The following FBXO30 variants were observed in gnomAD, a reference collection of about 807,000 sequenced individuals.
The protein encoded by FBXO30 is F-box protein 30.
Under a neutral mutation model 58.1 loss-of-function variants are expected in FBXO30, and 21 were observed. The observed-to-expected ratio is 0.36, with a 90% CI of 0.26 to 0.52. FBXO30 has a LOEUF of 0.52. Ranked by LOEUF, FBXO30 falls within the 20% of genes least tolerant of loss-of-function variation. FBXO30 has a pLI of 0.93. For synonymous variants in FBXO30, 309 were observed against 312.4 expected (o/e 0.99, Z 0.11); for missense variants, 744 against 897.3 (o/e 0.83, Z 2.18).
In FBXO30 at chr6:145,800,235, G is replaced by A; in HGVS notation, c.2109C>T (p.His703=). Residue 703 remains histidine (H), a synonymous_variant, in exon 3 of 3, where the codon CAC becomes CAT. Transcript: ENST00000237281. ...KFADILSMAD[H]LKKCSYNVVE... ...CAACATTGTAACTGCATTTCTTCAA[G>A]TGGTCTGCCATGCTTAGGATGTCAG... 6.2e-7 allele frequency: 1 copy of A among 1,612,994 alleles called. No homozygotes were observed. Among genetic ancestry groups the A allele is most frequent in the Non-Finnish European group, 8.5e-7 (1 of 1,179,326 alleles).
At position 145,805,636 on chromosome 6, in the gene FBXO30, T is replaced by A; in HGVS notation, c.770A>T (p.Gln257Leu). Residue 257 changes from glutamine to leucine, a missense_variant, in exon 2 of 3, where the codon CAG (glutamine) becomes CTG (leucine). Physicochemically the swap from Gln to Leu is moderately radical, Grantham distance 113 (BLOSUM62 -2). Around this residue, in one of 3 missense-constraint regions of FBXO30, gnomAD observed 275 missense variants for 262.0 expected, o/e 1.05. Transcript: ENST00000237281. The part of the protein sequence containing the change: ...VGGIDYNDTN[Q>L]NAQSEQNGSS... Reference sequence around the variant, plus strand: ...ACCATTTTGTTCAGACTGGGCATTCTGATTTGTGTCATTGTAGTCAATTCC... The same window carrying A: ...ACCATTTTGTTCAGACTGGGCATTCAGATTTGTGTCATTGTAGTCAATTCC... The A allele has an allele frequency of 6.2e-7, 1 of 1,614,132 alleles. No individual in the cohort carries two copies. The highest frequency in any genetic ancestry group is 1.1e-5 in the South Asian group (1 of 91,080).
intron 1 of FBXO30, chr6:145,811,946 G>C (rs967770295): frequency 2.3e-4 from 35 of 152,206 alleles, no homozygotes; most frequent in East Asian, 1.4e-3. Flanking sequence ...CTGTTTATCA[G>C]GTGCACTCAG....
intron 1 of FBXO30, among the ~76,000 whole-genome samples, chr6:145,811,486 T>A (rs1432901836): frequency 6.6e-6 from 1 of 152,168 alleles, no homozygotes; most frequent in Non-Finnish European, 1.5e-5. Context: ...AATAGTAATA[T>A]GAGAAACATA....
chr6:145,800,325 A>C lies in FBXO30; in HGVS notation c.2035-16T>G. On this transcript the variant is annotated splice_polypyrimidine_tract_variant and intron_variant, in intron 2 of 2. Coordinates refer to ENST00000237281, the MANE Select transcript of FBXO30 (RefSeq NM_032145.5). Reference sequence around the variant, plus strand: ...ATCGCCATACCTACAAGAAAATTCTACTTTAGATTTAAACAAGTCAATGTG... The same window carrying C: ...ATCGCCATACCTACAAGAAAATTCTCCTTTAGATTTAAACAAGTCAATGTG... 6.2e-7 allele frequency: 1 copy of C among 1,606,576 alleles called. No individual in the cohort carries two copies. Among genetic ancestry groups the C allele is most frequent in the Non-Finnish European group, 8.5e-7 (1 of 1,174,610 alleles).
At position 145,812,032 on chromosome 6, in the gene FBXO30, G is replaced by A. The variant is rs188538736; in HGVS notation, c.-17+2571C>T. ...GTTTAAAAAGAGGTGGGGTTGGGGG[G>A]CGGTGGTTAGACAAAATCAAAAAGG... On this transcript the variant is annotated intron_variant, in intron 1 of 2. Transcript: ENST00000237281. 2.0e-5 allele frequency: 3 copies of A among 152,114 alleles called. No homozygotes were observed. In the East Asian group the frequency reaches 5.8e-4, roughly 29 times the overall value. The allele number at this position is 152,114 out of a possible 1,614,324, so 9.4% of individuals were successfully genotyped here. A position where few individuals can be genotyped will look rare whatever the true frequency, so the allele number is the denominator to read the frequency against.
intron 1 of FBXO30, among the ~76,000 whole-genome samples, chr6:145,812,737 C>G (rs74529360): frequency 6.6e-6 from 1 of 152,112 alleles, no homozygotes; most frequent in South Asian, 2.1e-4. Flanking sequence ...ATTACTCATT[C>G]TTTAAAAAAA....
At chr6:145,812,236 T>A (rs1778354494) in intron 1 of FBXO30, among the ~76,000 whole-genome samples, 3 of 152,198 alleles carry the variant, frequency 2.0e-5, no homozygotes, top group Admixed American at 2.0e-4. Context: ...AAAACATATA[T>A]CTTTCATTTC....
At position 145,805,129 on chromosome 6, in the gene FBXO30, A is replaced by T; in HGVS notation, c.1277T>A (p.Ile426Asn). Residue 426 changes from isoleucine to asparagine, a missense_variant, in exon 2 of 3, where the codon ATC becomes AAC. Physicochemically the swap from Ile to Asn is moderately radical, Grantham distance 149. Transcript: ENST00000237281. ...DPMGLQGIDL[I>N]TAALLFCLGD... The stretch of plus-strand genomic sequence containing the variant: ...TAGACAAAAAAGCAATGCTGCTGTG[A>T]TCAGATCTATTCCTTGGAGGCCCAT... The T allele has an allele frequency of 6.2e-7, 1 of 1,613,990 alleles. No individual in the cohort carries two copies. Among genetic ancestry groups the T allele is most frequent in the East Asian group, 2.2e-5 (1 of 44,894 alleles).
intron 1 of FBXO30, among the ~76,000 whole-genome samples, chr6:145,813,427 T>C (rs1014432869): frequency 1.3e-5 from 2 of 152,032 alleles, no homozygotes; most frequent in Non-Finnish European, 2.9e-5. Context: ...TAAACTTTTG[T>C]GATGAGAAAC....
rs35721211 is a variant in FBXO30, at chr6:145,804,445, C to T, written c.1961G>A (p.Arg654His). 278 of 1,613,666 alleles carry T rather than the reference C, an allele frequency of 1.7e-4. No individual in the cohort carries two copies. In the African/African-American group the frequency reaches 3.1e-3, roughly 18 times the overall value. The change falls in exon 2 of 3, where the codon CGT (arginine) becomes CAT (histidine). Residue 654 changes from arginine to histidine, a missense_variant. Arg to His is a conservative substitution (Grantham distance 29). This residue lies in a region of FBXO30 where 334 missense variants were observed against 433.7 expected (regional missense o/e 0.77). Transcript: ENST00000237281. Reference sequence around the variant, plus strand: ...CCCCCACTGCAGTATGACCATGCCACGAGACTGAAGCAGGCTGCCACACAC... The same window carrying T: ...CCCCCACTGCAGTATGACCATGCCATGAGACTGAAGCAGGCTGCCACACAC... ...RDVCGSLLQS[R>H]GMVILQWGKR... is the part of the protein sequence containing the mutation.
chr6:145,803,008 AG>A (rs1562243467), intron 2 of FBXO30, among the ~76,000 whole-genome samples: 1 of 152,144 alleles, frequency 6.6e-6, no homozygotes, highest in Non-Finnish European at 1.5e-5. Flanking sequence ...AGAAAGCTAT[AG>A]GATAATCAAG....
At position 145,794,162 on chromosome 6, in the gene FBXO30, A is replaced by G. The variant is rs762725401; in HGVS notation, c.*5944T>C. 15 of 151,996 alleles carry G rather than the reference A, an allele frequency of 9.9e-5. No individual in the cohort carries two copies. Among genetic ancestry groups the G allele is most frequent in the Admixed American group, 3.9e-4 (6 of 15,256 alleles). The allele number at this position is 151,996 out of a possible 1,614,324, so 9.4% of individuals were successfully genotyped here. ...GCAACCATGAATCTGATTTATCTCT[A>G]TGAATTTACCTATTCTGCATATTTC... is the stretch of plus-strand genomic sequence containing the variant. On this transcript the variant is annotated 3_prime_UTR_variant, in exon 3 of 3. Transcript: ENST00000237281.
At position 145,804,942 on chromosome 6, in the gene FBXO30, T is replaced by C; in HGVS notation, c.1464A>G (p.Pro488=). 6.2e-7 allele frequency: 1 copy of C among 1,613,910 alleles called. No homozygotes were observed. Among genetic ancestry groups the C allele is most frequent in the Non-Finnish European group, 8.5e-7 (1 of 1,179,912 alleles). ...GAAACGGACTTGGATTTGAAAGCTGTGGATTGGCATGATCACAAGCTGAAG... is the reference window on the plus strand; with the variant it reads ...GAAACGGACTTGGATTTGAAAGCTGCGGATTGGCATGATCACAAGCTGAAG... ...ASASACDHAN[P]QLSNPSPFQT... is the part of the protein sequence containing the mutation. The change falls in exon 2 of 3, where the codon CCA becomes CCG. Residue 488 remains proline (P), a synonymous_variant. Transcript: ENST00000237281.
At chr6:145,803,091 TG>T (rs2128665460) in intron 2 of FBXO30, among the ~76,000 whole-genome samples, 1 of 152,094 alleles carries the variant, frequency 6.6e-6, no homozygotes, top group South Asian at 2.1e-4. Flanking sequence ...GATACAGATG[TG>T]TGAGTAATCT....
At chr6:145,812,731 C>T (rs941255200) in intron 1 of FBXO30, among the ~76,000 whole-genome samples, 4 of 152,132 alleles carry the variant, frequency 2.6e-5, no homozygotes, top group Non-Finnish European at 5.9e-5. Context: ...AATAACATTA[C>T]TCATTCTTTA....
In FBXO30 at chr6:145,800,080, T is replaced by C. The variant is rs374203224; in HGVS notation, c.*26A>G. 6.5e-7 allele frequency: 1 copy of C among 1,547,688 alleles called. No homozygotes were observed. The highest frequency in any genetic ancestry group is 8.9e-7 in the Non-Finnish European group (1 of 1,121,476). On this transcript the variant is annotated 3_prime_UTR_variant, in exon 3 of 3. Coordinates refer to ENST00000237281, the MANE Select transcript of FBXO30 (RefSeq NM_032145.5). ...AAAGAAATTATACTAGGTGCTTGCA[T>C]ATATGTGCTAGTAATATTACAACTT...
At position 145,795,412 on chromosome 6, in the gene FBXO30, G is replaced by A. The variant is rs558023375; in HGVS notation, c.*4694C>T. ...CTACATATTGAAGAACCATTCCCTA[G>A]TATTTGCATGCAAATGGGTTAATAA... is the stretch of plus-strand genomic sequence containing the variant. On this transcript the variant is annotated 3_prime_UTR_variant, in exon 3 of 3. Coordinates refer to ENST00000237281, the MANE Select transcript of FBXO30 (RefSeq NM_032145.5). 6.6e-6 allele frequency: 1 copy of A among 151,896 alleles called. No individual in the cohort carries two copies. The highest frequency in any genetic ancestry group is 2.4e-5 in the African/African-American group (1 of 41,500). 9.4% of individuals were successfully genotyped at this position (151,896 alleles called of 1,614,324 possible).
Position 145,800,018 on chromosome 6 carries a change from G to T in FBXO30, c.*88C>A. Reference sequence around the variant, plus strand: ...ACAGTGACAATAAATTTAGCTAGTTGTAATATTTAATACATTAATAAAGTT... The same window carrying T: ...ACAGTGACAATAAATTTAGCTAGTTTTAATATTTAATACATTAATAAAGTT... On this transcript the variant is annotated 3_prime_UTR_variant, in exon 3 of 3. Transcript: ENST00000237281. The T allele has an allele frequency of 5.3e-6, 5 of 937,220 alleles. No homozygotes were observed. The highest frequency in any genetic ancestry group is 2.2e-5 in the Admixed American group (1 of 45,402). The allele number at this position is 937,220 out of a possible 1,614,324, so 58.1% of individuals were successfully genotyped here. A position where few individuals can be genotyped will look rare whatever the true frequency, so the allele number is the denominator to read the frequency against.
rs1777875122 is a variant in FBXO30, at chr6:145,796,809, T to G, written c.*3297A>C. On this transcript the variant is annotated 3_prime_UTR_variant, in exon 3 of 3. Coordinates refer to ENST00000237281, the MANE Select transcript of FBXO30 (RefSeq NM_032145.5). Reference sequence around the variant, plus strand: ...CGATATAGTAATATAAACTACCATATCTTCAAGGGATATGGAAGTTTTGCT... The same window carrying G: ...CGATATAGTAATATAAACTACCATAGCTTCAAGGGATATGGAAGTTTTGCT... 1 of 151,876 alleles carries G rather than the reference T, an allele frequency of 6.6e-6. No homozygotes were observed. The highest frequency in any genetic ancestry group is 1.5e-5 in the Non-Finnish European group (1 of 67,894). 9.4% of individuals were successfully genotyped at this position (151,876 alleles called of 1,614,324 possible). A position where few individuals can be genotyped will look rare whatever the true frequency, so the allele number is the denominator to read the frequency against.
Sources: gnomAD v4.1 joint callset for allele counts (sites outside exome capture counted in the v4.1 genomes callset) on GRCh38, gnomAD v4.1.1 for gene constraint, gnomAD v4.1.1 regional missense constraint, MANE v1.5 for transcripts, NCBI Gene and HGNC (gene_info 2026-07-23, HGNC 2026-07-21) for gene names.